Variants in ABCA13 observed in about 807,000 individuals in gnomAD.
The protein encoded by ABCA13 is ATP-binding cassette sub-family A member 13.
A neutral mutation model predicts 478.7 loss-of-function variants in ABCA13; 476 were observed. The ratio of observed to expected loss-of-function variants is 0.99; its 90% CI spans 0.92 to 1.07. ABCA13 has a LOEUF of 1.07. Ranked by LOEUF, ABCA13 falls within the 50% of genes least tolerant of loss-of-function variation. ABCA13 has a pLI of 0.00. For missense variants in ABCA13, 6,060 were observed against 5,910.6 expected, an observed-to-expected ratio of 1.03 and a Z score of -0.83; for synonymous variants, 2,252 against 2,158.9, an observed-to-expected ratio of 1.04 and a Z score of -1.20.
chr7:48,364,928 A>C (rs938658897), intron 31 of ABCA13, among the ~76,000 whole-genome samples: 3 of 152,126 alleles, frequency 2.0e-5, no homozygotes, highest in Admixed American at 6.5e-5. Flanking sequence ...TACACTCTGC[A>C]TTGGAATTGC....
intron 55 of ABCA13, among the ~76,000 whole-genome samples, chr7:48,538,780 A>C (rs1448081708): frequency 6.6e-6 from 1 of 152,168 alleles, no homozygotes; most frequent in Admixed American, 6.5e-5. Context: ...GCAAGAGTCT[A>C]TTCCTAGACA....
At chr7:48,581,436 A>G (rs1195735520) in intron 56 of ABCA13, among the ~76,000 whole-genome samples, 1 of 152,208 alleles carries the variant, frequency 6.6e-6, no homozygotes, top group Non-Finnish European at 1.5e-5. Context: ...ACCACCCCAC[A>G]GAGACCTGCT....
chr7:48,176,355 T>G (rs1309685704), intron 1 of ABCA13, among the ~76,000 whole-genome samples: 1 of 152,058 alleles, frequency 6.6e-6, no homozygotes, highest in East Asian at 1.9e-4. Flanking sequence ...AACTCATGGT[T>G]CTCTCCCAAC....
chr7:48,246,051 G>C (rs759865128), intron 13 of ABCA13, 21 bp downstream of exon 13: 1 of 1,606,200 alleles, frequency 6.2e-7, no homozygotes, highest in East Asian at 2.2e-5. Flanking sequence ...TACCATCTTA[G>C]CTCTTCTAAG....
Position 48,532,801 on chromosome 7 carries a change from A to G in ABCA13, c.14354+4456A>G, listed in dbSNP as rs761179456. Reference sequence around the variant, plus strand: ...CTAATTTATGTGTGTGAAGGTGTTTATACTAGAATTGAATAGTATTTTTTA... The same window carrying G: ...CTAATTTATGTGTGTGAAGGTGTTTGTACTAGAATTGAATAGTATTTTTTA... On this transcript the variant is annotated intron_variant, in intron 55 of 61. Coordinates refer to ENST00000435803, the MANE Select transcript of ABCA13 (RefSeq NM_152701.5). Among the ~76,000 whole-genome samples the G allele has an allele frequency of 1.4e-4, 21 of 152,100 alleles. No individual in the cohort carries two copies. In the South Asian group the frequency reaches 2.5e-3, roughly 18 times the overall value.
At chr7:48,237,024 T>C (rs1186541426) in intron 8 of ABCA13, among the ~76,000 whole-genome samples, 5 of 151,362 alleles carry the variant, frequency 3.3e-5, no homozygotes, top group Non-Finnish European at 7.4e-5. Flanking sequence ...TTTTTTTTTT[T>C]TTTTTTTTTT....
intron 4 of ABCA13, 87 bp from the exon 5 acceptor site, chr7:48,221,194 T>G (rs1226186315): frequency 1.5e-6 from 1 of 688,164 alleles, no homozygotes; most frequent in East Asian, 3.1e-5. Context: ...GGATACTCCA[T>G]TTGACTTTAG....
At chr7:48,493,054 G>A (rs921394084) in intron 48 of ABCA13, among the ~76,000 whole-genome samples, 13 of 152,002 alleles carry the variant, frequency 8.6e-5, no homozygotes, top group Admixed American at 7.2e-4. Context: ...TTCTATTATA[G>A]CAACAGAAAA....
At chr7:48,516,319 G>C (rs1315575912) in intron 51 of ABCA13, among the ~76,000 whole-genome samples, 1 of 152,102 alleles carries the variant, frequency 6.6e-6, no homozygotes, top group African/African-American at 2.4e-5. Flanking sequence ...GTACTGTCTT[G>C]CTCTATCCCA....
At chr7:48,523,260 G>T (rs1832677020) in intron 53 of ABCA13, among the ~76,000 whole-genome samples, 2 of 152,102 alleles carry the variant, frequency 1.3e-5, no homozygotes, top group African/African-American at 4.8e-5. Context: ...TATGTTCTCT[G>T]TAGAATAAAT....
intron 1 of ABCA13, 134 bp from the exon 2 acceptor site, chr7:48,192,825 G>C (rs141897911): frequency 0.98 from 655,480 of 670,802 alleles, 320,765 homozygotes; most frequent in Non-Finnish European, 0.99. Flanking sequence ...ACTAGGCCTT[G>C]TCTGTGGGCT....
At chr7:48,524,132 C>T in intron 53 of ABCA13, 116 bp from the exon 54 acceptor site, 2 of 932,704 alleles carry the variant, frequency 2.1e-6, no homozygotes, top group East Asian at 5.5e-5. Context: ...GCTGACTGCC[C>T]AGAAGTCCGA....
At chr7:48,419,158 C>G (rs1229580629) in intron 41 of ABCA13, among the ~76,000 whole-genome samples, 1 of 152,194 alleles carries the variant, frequency 6.6e-6, no homozygotes, top group Non-Finnish European at 1.5e-5. Context: ...AAAACTCCAC[C>G]CCCATGATCC....
At chr7:48,288,806 G>A (rs928158834) in intron 20 of ABCA13, among the ~76,000 whole-genome samples, 5 of 152,084 alleles carry the variant, frequency 3.3e-5, no homozygotes, top group African/African-American at 1.2e-4. Flanking sequence ...CCCATGCAGG[G>A]TCTCCAACTA....
intron 29 of ABCA13, among the ~76,000 whole-genome samples, chr7:48,339,683 C>G (rs1806819312): frequency 6.6e-6 from 1 of 152,232 alleles, no homozygotes; most frequent in African/African-American, 2.4e-5. Context: ...TGTGTTGGGA[C>G]ACAGAATATG....
chr7:48,266,369 A>G (rs576525738), intron 15 of ABCA13, among the ~76,000 whole-genome samples: 1 of 151,882 alleles, frequency 6.6e-6, no homozygotes, highest in African/African-American at 2.4e-5. Flanking sequence ...AATGTTTGGT[A>G]GATTTCACTA....
intron 59 of ABCA13, among the ~76,000 whole-genome samples, chr7:48,625,982 C>T (rs531043351): frequency 2.6e-5 from 4 of 152,224 alleles, no homozygotes; most frequent in Non-Finnish European, 5.9e-5. Context: ...TCAATAAACT[C>T]GGCATAGTGT....
intron 50 of ABCA13, among the ~76,000 whole-genome samples, chr7:48,509,304 G>C (rs1301589796): frequency 1.3e-5 from 2 of 152,092 alleles, no homozygotes; most frequent in Non-Finnish European, 2.9e-5. Context: ...CTGTCTCCTG[G>C]TCCAGTTTTG....
At chr7:48,517,112 G>C (rs557208699) in intron 52 of ABCA13, among the ~76,000 whole-genome samples, 1 of 152,086 alleles carries the variant, frequency 6.6e-6, no homozygotes, top group Non-Finnish European at 1.5e-5. Context: ...GTTCTGTTTC[G>C]GCCACTCCAT....
Sources: gnomAD v4.1 joint callset for allele counts (sites outside exome capture counted in the v4.1 genomes callset) on GRCh38, gnomAD v4.1.1 for gene constraint, MANE v1.5 for transcripts, NCBI Gene and HGNC (gene_info 2026-07-23, HGNC 2026-07-21) for gene names.